Variants in ZSCAN25 observed in about 807,000 individuals in gnomAD.
The protein encoded by ZSCAN25 is zinc finger and SCAN domain containing 25.
ZSCAN25 carries 27 observed loss-of-function variants against 38.7 expected under a neutral mutation model. The ratio of observed to expected loss-of-function variants is 0.70; its 90% CI spans 0.51 to 0.96. ZSCAN25 has a LOEUF of 0.96. Ranked by LOEUF, ZSCAN25 falls within the 40% of genes least tolerant of loss-of-function variation. ZSCAN25 has a pLI of 0.00. For missense variants in ZSCAN25, 637 were observed against 705.9 expected (o/e 0.90, Z 1.11); for synonymous variants, 273 against 277.7 (o/e 0.98, Z 0.17).
At chr7:99,672,845 A>G in the ZSCAN25 span, 1 of 1,434,668 alleles carries the variant, frequency 7.0e-7, no homozygotes, top group South Asian at 1.5e-5. Context: ...ACACACAGCA[A>G]GAGTCTCACA....
chr7:99,693,819 G>A, the ZSCAN25 span, among the ~76,000 whole-genome samples: 1 of 152,196 alleles, frequency 6.6e-6, no homozygotes, highest in Admixed American at 6.5e-5. Context: ...CTGCAGACTA[G>A]AGCTGTTCCT....
At chr7:99,694,966 T>C in the ZSCAN25 span, among the ~76,000 whole-genome samples, 1 of 146,866 alleles carries the variant, frequency 6.8e-6, no homozygotes, top group Non-Finnish European at 1.5e-5. Flanking sequence ...TGATTTTGCA[T>C]ATGATTCTGC....
At position 99,624,066 on chromosome 7, in the gene ZSCAN25, C is replaced by G. The variant is rs746969411; in HGVS notation, c.691C>G (p.Pro231Ala). Residue 231 changes from proline to alanine, a missense_variant, in exon 7 of 8, where the codon CCA (proline) becomes GCA (alanine). Physicochemically the swap from Pro to Ala is conservative, Grantham distance 27. Transcript: ENST00000394152. The stretch of plus-strand genomic sequence containing the variant: ...TCTCCTATTGTTGCAGGGGTTGGGG[C>G]CATTTAAAGATATGGCCCTGGCCTT... ...FFTAGSQGLG[P>A]FKDMALAFPE... 6.2e-7 allele frequency: 1 copy of G among 1,614,120 alleles called. No homozygotes were observed. Among genetic ancestry groups the G allele is most frequent in the Non-Finnish European group, 8.5e-7 (1 of 1,180,040 alleles).
At chr7:99,705,717 G>T in the ZSCAN25 span, 1 of 1,229,382 alleles carries the variant, frequency 8.1e-7, no homozygotes, top group Non-Finnish European at 1.1e-6. Flanking sequence ...ACTACTTTCA[G>T]CACTATAAAT....
downstream of ZSCAN25, among the ~76,000 whole-genome samples, chr7:99,636,805 T>C (rs1808302962): frequency 1.3e-5 from 2 of 152,240 alleles, no homozygotes. Context: ...AGTAATCTTG[T>C]TAGGATCTAG....
At chr7:99,736,836 T>C in the ZSCAN25 span, among the ~76,000 whole-genome samples, 1 of 152,024 alleles carries the variant, frequency 6.6e-6, no homozygotes, top group Non-Finnish European at 1.5e-5. Context: ...CAAGGCCAAG[T>C]GGGTGAATGT....
At chr7:99,628,411 C>G (rs574699701) in intron 7 of ZSCAN25, among the ~76,000 whole-genome samples, 60 of 152,022 alleles carry the variant, frequency 3.9e-4, no homozygotes, top group African/African-American at 1.3e-3. Context: ...TTTTCTCCTC[C>G]CCTTTCTGTT....
chr7:99,674,643 T>C, the ZSCAN25 span: 2 of 1,461,738 alleles, frequency 1.4e-6, no homozygotes, highest in Admixed American at 1.7e-5. Context: ...AAACCCTACC[T>C]CTAATTGGGG....
At chr7:99,674,566 G>A in the ZSCAN25 span, 1 of 1,613,596 alleles carries the variant, frequency 6.2e-7, no homozygotes, top group Non-Finnish European at 8.5e-7. Context: ...ATAGCACTCT[G>A]TGTCAAATTT....
At chr7:99,626,302 T>C (rs1807465800) in intron 7 of ZSCAN25, among the ~76,000 whole-genome samples, 1 of 151,706 alleles carries the variant, frequency 6.6e-6, no homozygotes, top group African/African-American at 2.4e-5. Flanking sequence ...CAGGAGTGAG[T>C]AGAGTGAGGC....
In ZSCAN25 at chr7:99,629,350, C is replaced by G. The variant is rs766506253; in HGVS notation, c.965C>G (p.Pro322Arg). ...QEPGGPAGSA[P>R]GLPPPQHGAI... The stretch of plus-strand genomic sequence containing the variant: ...CCTGGTGGCCCTGCAGGCAGTGCGC[C>G]TGGGCTTCCTCCTCCCCAGCACGGT... Residue 322 changes from proline to arginine, a missense_variant, in exon 8 of 8, where the codon CCT becomes CGT. Pro to Arg is a moderately radical substitution (Grantham distance 103). Transcript: ENST00000394152. This position sits in a 1 kb window ranked among gnomAD's most constrained non-coding sequence, Gnocchi z 5.6. 6.2e-7 allele frequency: 1 copy of G among 1,614,172 alleles called. No individual in the cohort carries two copies.
the ZSCAN25 span, among the ~76,000 whole-genome samples, chr7:99,666,226 C>T: frequency 6.6e-6 from 1 of 152,154 alleles, no homozygotes; most frequent in Non-Finnish European, 1.5e-5. Context: ...GTAACTTTCC[C>T]ATCTTACCCA....
the ZSCAN25 span, among the ~76,000 whole-genome samples, chr7:99,692,874 G>A: frequency 6.6e-6 from 1 of 152,116 alleles, no homozygotes; most frequent in Non-Finnish European, 1.5e-5. Context: ...TGCTAATACC[G>A]ACCTTCTGAA....
At position 99,631,256 on chromosome 7, in the gene ZSCAN25, C is replaced by T. The variant is rs996941157; in HGVS notation, c.*1236C>T. 1.0e-6 allele frequency: 1 copy of T among 985,272 alleles called. No individual in the cohort carries two copies. Among genetic ancestry groups the T allele is most frequent in the African/African-American group, 1.7e-5 (1 of 57,224 alleles). The allele number at this position is 985,272 out of a possible 1,614,324, so 61.0% of individuals were successfully genotyped here. ...CCCTCCAGACCCTTGTCATCCAAGG[C>T]ACTAGGGGTCCTGGACACCCACTGG... is the stretch of plus-strand genomic sequence containing the variant. On this transcript the variant is annotated 3_prime_UTR_variant, in exon 8 of 8. Coordinates refer to ENST00000394152, the MANE Select transcript of ZSCAN25 (RefSeq NM_145115.3).
intron 1 of ZSCAN25, among the ~76,000 whole-genome samples, chr7:99,617,457 T>G (rs1417866679): frequency 6.6e-6 from 1 of 152,114 alleles, no homozygotes; most frequent in East Asian, 1.9e-4. Flanking sequence ...GGCACGCGCC[T>G]GAGGTCCCAG....
At chr7:99,619,386 A>G (rs1443254822) in intron 3 of ZSCAN25, among the ~76,000 whole-genome samples, 175 bp from the exon 4 acceptor site, 1 of 152,238 alleles carries the variant, frequency 6.6e-6, no homozygotes, top group Non-Finnish European at 1.5e-5. Context: ...TCTGTACCTA[A>G]TAGTTGCTTA....
At chr7:99,653,978 C>T in the ZSCAN25 span, among the ~76,000 whole-genome samples, 1 of 152,168 alleles carries the variant, frequency 6.6e-6, no homozygotes, top group East Asian at 1.9e-4. This position sits in a 1 kb window ranked among gnomAD's most constrained non-coding sequence, Gnocchi z 4.2. Flanking sequence ...GCCAGGCTAC[C>T]TCAGACCATA....
At chr7:99,697,705 A>C in the ZSCAN25 span, among the ~76,000 whole-genome samples, 1 of 152,192 alleles carries the variant, frequency 6.6e-6, no homozygotes, top group Non-Finnish European at 1.5e-5. Context: ...ATATGTGGTA[A>C]AATACAACTG....
the ZSCAN25 span, among the ~76,000 whole-genome samples, chr7:99,639,253 T>G: frequency 6.6e-6 from 1 of 152,212 alleles, no homozygotes; most frequent in African/African-American, 2.4e-5. Context: ...ATATTTTAGC[T>G]ATTGAGAGAA....
Sources: gnomAD v4.1 joint callset for allele counts (sites outside exome capture counted in the v4.1 genomes callset) on GRCh38, gnomAD v4.1.1 for gene constraint, Gnocchi (gnomAD v3.1) non-coding constraint, MANE v1.5 for transcripts, NCBI Gene and HGNC (gene_info 2026-07-23, HGNC 2026-07-21) for gene names.